The following TCF23 variants were observed in gnomAD, a reference collection of about 807,000 sequenced individuals.
The protein encoded by TCF23 is transcription factor 23.
A neutral mutation model predicts 13.0 loss-of-function variants in TCF23; 7 were observed. That is an observed-to-expected ratio of 0.54 (90% confidence interval 0.31 to 1.01). TCF23 has a LOEUF of 1.01. Ranked by LOEUF, TCF23 falls within the 50% of genes least tolerant of loss-of-function variation. The pLI is 0.06. For synonymous variants in TCF23, 122 were observed against 119.5 expected, an observed-to-expected ratio of 1.02 and a Z score of -0.14; for missense variants, 257 against 289.8, an observed-to-expected ratio of 0.89 and a Z score of 0.82.
At position 27,149,311 on chromosome 2, in the gene TCF23, C is replaced by T. The variant is rs1229640309; in HGVS notation, c.178C>T (p.Pro60Ser). The change falls in exon 1 of 3, where the codon CCT becomes TCT. Residue 60 changes from proline to serine, a missense_variant. Physicochemically the swap from Pro to Ser is moderately conservative, Grantham distance 74 (BLOSUM62 -1). Coordinates refer to ENST00000296096, the MANE Select transcript of TCF23 (RefSeq NM_175769.3). ...WSNQRWSRAT[P>S]GPRGTRAGGL... ...CAACCAGAGATGGAGCAGAGCTACC[C>T]CTGGCCCTCGAGGGACCAGGGCTGG... 1.9e-6 allele frequency: 3 copies of T among 1,595,034 alleles called. No homozygotes were observed. The African/African-American group carries it at 4.0e-5, about 21-fold the overall frequency.
rs572358745 is a variant in TCF23 at position 27,150,792 on chromosome 2, A to G, written c.465+427A>G. On this transcript the variant is annotated intron_variant, in intron 2 of 2. Coordinates refer to ENST00000296096, the MANE Select transcript of TCF23 (RefSeq NM_175769.3). This position sits in a 1 kb window ranked among gnomAD's most constrained non-coding sequence, Gnocchi z 4.1. ...GCAAGAGAGGTCTGTCCTCCAGGAG[A>G]ACAACGGTCTGAGGGACCGTCATTC... Among the ~76,000 whole-genome samples the G allele has an allele frequency of 1.4e-4, 22 of 152,186 alleles. No individual in the cohort carries two copies. Among genetic ancestry groups the G allele is most frequent in the African/African-American group, 5.1e-4 (21 of 41,520 alleles).
Position 27,150,620 on chromosome 2 carries a change from A to T in TCF23, c.465+255A>T, listed in dbSNP as rs1160924786. ...ATGCACCTCCTTGAAGAGGAGGGAA[A>T]GACTCTGGGGTTCTTAGAGTCACAG... On this transcript the variant is annotated intron_variant, in intron 2 of 2. Transcript: ENST00000296096. The surrounding 1 kb of genome is among the most constrained non-coding windows in gnomAD (Gnocchi z 4.1). 6.6e-6 allele frequency among the ~76,000 whole-genome samples: 1 copy of T among 152,102 alleles called. No individual in the cohort carries two copies. Among genetic ancestry groups the T allele is most frequent in the African/African-American group, 2.4e-5 (1 of 41,416 alleles).
At position 27,152,821 on chromosome 2, in the gene TCF23, C is replaced by T. The variant is rs1558488375; in HGVS notation, c.599C>T (p.Ala200Val). 3 of 1,614,036 alleles carry T rather than the reference C, an allele frequency of 1.9e-6. No individual in the cohort carries two copies. Among genetic ancestry groups the T allele is most frequent in the Admixed American group, 3.3e-5 (2 of 59,998 alleles). Residue 200 changes from alanine to valine, a missense_variant, in exon 3 of 3, where the codon GCT (alanine) becomes GTT (valine). Transcript: ENST00000296096. ...TCCCAAGTCCCTGGAGAGGCAGATG[C>T]TCTCCTTTCCACCACACCACTCTCA... Reference protein sequence around the residue: ...VGSQVPGEADALLSTTPLSPA... With the variant: ...VGSQVPGEADVLLSTTPLSPA...
In TCF23 at chr2:27,152,908, T is replaced by C. The variant is rs1179362647; in HGVS notation, c.*41T>C. The C allele has an allele frequency of 3.2e-6, 5 of 1,579,668 alleles. No individual in the cohort carries two copies. The South Asian group carries it at 3.5e-5, about 11-fold the overall frequency. On this transcript the variant is annotated 3_prime_UTR_variant, in exon 3 of 3. Transcript: ENST00000296096. ...TTTTCTCCTAGACTGTGACTCATGCTTATGGGCCTGGATTTTCTACCAGCC... is the reference window on the plus strand; with the variant it reads ...TTTTCTCCTAGACTGTGACTCATGCCTATGGGCCTGGATTTTCTACCAGCC...
intron 1 of TCF23, chr2:27,149,614 T>G: frequency 1.6e-6 from 1 of 637,174 alleles, no homozygotes. Context: ...GGGATGTGAA[T>G]TTCCCAAGGT....
Position 27,150,746 on chromosome 2 carries a change from GGT to G in TCF23, c.465+383_465+384del, listed in dbSNP as rs1386379631. 1.3e-5 allele frequency among the ~76,000 whole-genome samples: 2 copies of G among 152,126 alleles called. No individual in the cohort carries two copies. The highest frequency in any genetic ancestry group is 3.9e-4 in the East Asian group (2 of 5,186). On this transcript the variant is annotated intron_variant, in intron 2 of 2. Coordinates refer to ENST00000296096, the MANE Select transcript of TCF23 (RefSeq NM_175769.3). This position sits in a 1 kb window ranked among gnomAD's most constrained non-coding sequence, Gnocchi z 4.1. Reference sequence around the variant, plus strand: ...AGCTTCAGCCCATTGTGCCTGCCTTGGTGCTTTCTAGGCTTCTGTTGCAAGAG... The same window carrying G: ...AGCTTCAGCCCATTGTGCCTGCCTTGGCTTTCTAGGCTTCTGTTGCAAGAG...
At chr2:27,149,410 G>A in intron 1 of TCF23, 55 bp downstream of exon 1, 1 of 1,499,000 alleles carries the variant, frequency 6.7e-7, no homozygotes, top group South Asian at 1.2e-5. Context: ...GTTGGAAGGT[G>A]GGGAGATGTC....
At position 27,156,480 on chromosome 2, in the gene TCF23, C is replaced by A. The variant is rs1357449456; in HGVS notation, c.*3613C>A. 1.3e-5 allele frequency: 2 copies of A among 151,282 alleles called. No homozygotes were observed. The highest frequency in any genetic ancestry group is 4.9e-5 in the African/African-American group (2 of 41,198). The allele number at this position is 151,282 out of a possible 1,614,324, so 9.4% of individuals were successfully genotyped here. Reference sequence around the variant, plus strand: ...GCAAGCTCCGCCTCCTGGGTTCACGCGATTCTCCTGCCTCAGCCTCCCGAG... The same window carrying A: ...GCAAGCTCCGCCTCCTGGGTTCACGAGATTCTCCTGCCTCAGCCTCCCGAG... On this transcript the variant is annotated 3_prime_UTR_variant, in exon 3 of 3. Coordinates refer to ENST00000296096, the MANE Select transcript of TCF23 (RefSeq NM_175769.3).
At chr2:27,151,829 C>G (rs1449239466) in intron 2 of TCF23, among the ~76,000 whole-genome samples, 1 of 149,618 alleles carries the variant, frequency 6.7e-6, no homozygotes, top group African/African-American at 2.5e-5. Context: ...TTTGTAGAGA[C>G]GGGGTCTCAC....
rs1207462569 is a variant in TCF23 at position 27,156,388 on chromosome 2, T to G, written c.*3521T>G. ...GCTGGCCCAGTGATTTCTTTTTTTT[T>G]GTTTTTTGAGACAGAGTCTCACTCT... On this transcript the variant is annotated 3_prime_UTR_variant, in exon 3 of 3. Transcript: ENST00000296096. 6.7e-6 allele frequency: 1 copy of G among 149,126 alleles called. No individual in the cohort carries two copies. The highest frequency in any genetic ancestry group is 2.0e-4 in the East Asian group (1 of 5,040). The allele number at this position is 149,126 out of a possible 1,614,324, so 9.2% of individuals were successfully genotyped here.
At position 27,152,748 on chromosome 2, in the gene TCF23, A is replaced by C. The variant is rs1572359982; in HGVS notation, c.526A>C (p.Thr176Pro). 1 of 1,614,058 alleles carries C rather than the reference A, an allele frequency of 6.2e-7. No individual in the cohort carries two copies. The highest frequency in any genetic ancestry group is 1.3e-5 in the African/African-American group (1 of 74,980). Residue 176 changes from threonine (T) to proline (P), a missense_variant, in exon 3 of 3, where the codon ACC (threonine) becomes CCC (proline). Coordinates refer to ENST00000296096, the MANE Select transcript of TCF23 (RefSeq NM_175769.3). Reference sequence around the variant, plus strand: ...CCTGGGGTACTCCGATCTTGACTCCACCACAGCCAGCACCCCCAGCCAAAG... The same window carrying C: ...CCTGGGGTACTCCGATCTTGACTCCCCCACAGCCAGCACCCCCAGCCAAAG... ...GGLGYSDLDS[T>P]TASTPSQRTR...
In TCF23 at chr2:27,150,128, G is replaced by A; in HGVS notation, c.228G>A (p.Glu76=). 1 of 1,602,682 alleles carries A rather than the reference G, an allele frequency of 6.2e-7. No individual in the cohort carries two copies. Among genetic ancestry groups the A allele is most frequent in the Non-Finnish European group, 8.5e-7 (1 of 1,178,010 alleles). ...RAGGLALGRS[E]ASPENAARER... Reference sequence around the variant, plus strand: ...CACTGGGGCCCTCTGTGCAGAGCGAGGCCAGTCCTGAGAATGCCGCGCGGG... The same window carrying A: ...CACTGGGGCCCTCTGTGCAGAGCGAAGCCAGTCCTGAGAATGCCGCGCGGG... Residue 76 remains glutamate, a synonymous_variant, in exon 2 of 3, where the codon GAG becomes GAA. Transcript: ENST00000296096. The surrounding 1 kb of genome is among the most constrained non-coding windows in gnomAD (Gnocchi z 4.1).
Position 27,152,970 on chromosome 2 carries a change from G to A in TCF23, c.*103G>A. The A allele has an allele frequency of 2.0e-6, 3 of 1,532,256 alleles. No individual in the cohort carries two copies. The highest frequency in any genetic ancestry group is 2.6e-6 in the Non-Finnish European group (3 of 1,140,824). 94.9% of individuals were successfully genotyped at this position (1,532,256 alleles called of 1,614,324 possible). On this transcript the variant is annotated 3_prime_UTR_variant, in exon 3 of 3. Coordinates refer to ENST00000296096, the MANE Select transcript of TCF23 (RefSeq NM_175769.3). ...AGCCATCAGACTTGACTCAGACTCA[G>A]CTCCCAAGTTCCAGCATGCAGACCA...
At position 27,152,959 on chromosome 2, in the gene TCF23, A is replaced by C; in HGVS notation, c.*92A>C. The C allele has an allele frequency of 6.5e-7, 1 of 1,536,790 alleles. No homozygotes were observed. Among genetic ancestry groups the C allele is most frequent in the Non-Finnish European group, 8.8e-7 (1 of 1,142,630 alleles). ...CCCAGATTCTCAGCCATCAGACTTGACTCAGACTCAGCTCCCAAGTTCCAG... is the reference window on the plus strand; with the variant it reads ...CCCAGATTCTCAGCCATCAGACTTGCCTCAGACTCAGCTCCCAAGTTCCAG... On this transcript the variant is annotated 3_prime_UTR_variant, in exon 3 of 3. Coordinates refer to ENST00000296096, the MANE Select transcript of TCF23 (RefSeq NM_175769.3).
At chr2:27,149,981 T>C (rs1365556970) in intron 1 of TCF23, 142 bp from the exon 2 acceptor site, 2 of 1,373,482 alleles carry the variant, frequency 1.5e-6, no homozygotes, top group Admixed American at 2.1e-5. Context: ...GGGCTGCAGA[T>C]GACGTAGGTG....
intron 2 of TCF23, among the ~76,000 whole-genome samples, chr2:27,151,230 G>A (rs985740604): frequency 6.6e-6 from 1 of 152,188 alleles, no homozygotes; most frequent in Non-Finnish European, 1.5e-5. Flanking sequence ...GCGCCATAAG[G>A]AGCTGGTTGA....
intron 2 of TCF23, among the ~76,000 whole-genome samples, chr2:27,151,593 C>A (rs1329247298): frequency 6.6e-6 from 1 of 151,898 alleles, no homozygotes; most frequent in Non-Finnish European, 1.5e-5. Context: ...TACGGCCTCC[C>A]AAAGTGCTGG....
chr2:27,152,298 C>T (rs1672772586), intron 2 of TCF23, among the ~76,000 whole-genome samples: 1 of 152,258 alleles, frequency 6.6e-6, no homozygotes, highest in South Asian at 2.1e-4. Flanking sequence ...TGGGACTGCT[C>T]ATGCTCCTGC....
Position 27,150,219 on chromosome 2 carries a change from C to T in TCF23, c.319C>T (p.Pro107Ser), listed in dbSNP as rs905971179. ...CTTGCAGGCTGCTCTGCCTGCCGTG[C>T]CGCCCGACACCAAGCTCTCCAAGTT... ...LALQAALPAV[P>S]PDTKLSKLDV... The change falls in exon 2 of 3, where the codon CCG becomes TCG. Residue 107 changes from proline (P) to serine (S), a missense_variant. Transcript: ENST00000296096. The surrounding 1 kb of genome is among the most constrained non-coding windows in gnomAD (Gnocchi z 4.1). 1.2e-6 allele frequency: 2 copies of T among 1,613,102 alleles called. No individual in the cohort carries two copies. The highest frequency in any genetic ancestry group is 1.7e-6 in the Non-Finnish European group (2 of 1,179,878).
Sources: gnomAD v4.1 joint callset for allele counts (sites outside exome capture counted in the v4.1 genomes callset) on GRCh38, gnomAD v4.1.1 for gene constraint, Gnocchi (gnomAD v3.1) non-coding constraint, MANE v1.5 for transcripts, NCBI Gene and HGNC (gene_info 2026-07-23, HGNC 2026-07-21) for gene names.